CYP2C19: variants seen among roughly 807,000 people sequenced by gnomAD.
CYP2C19 encodes cytochrome P450 2C19.
CYP2C19 carries 59 observed loss-of-function variants against 40.9 expected under a neutral mutation model. The ratio of observed to expected loss-of-function variants is 1.44; its 90% CI spans 1.17 to 1.79. CYP2C19 has a LOEUF of 1.79. Ranked by LOEUF, CYP2C19 falls within the 40% of genes most tolerant of loss-of-function variation. The pLI is 0.00. For missense variants in CYP2C19, 754 were observed against 596.9 expected, an observed-to-expected ratio of 1.26 and a Z score of -2.74; for synonymous variants, 253 against 208.7, an observed-to-expected ratio of 1.21 and a Z score of -1.83.
intron 6 of CYP2C19, among the ~76,000 whole-genome samples, chr10:94,841,481 G>A (rs990769126): frequency 1.3e-5 from 2 of 152,154 alleles, no homozygotes; most frequent in African/African-American, 4.8e-5. Context: ...AGATTTAATA[G>A]AGTGAAAACA....
intron 5 of CYP2C19, among the ~76,000 whole-genome samples, chr10:94,796,730 C>T (rs1564667898): frequency 6.6e-6 from 1 of 152,108 alleles, no homozygotes; most frequent in Non-Finnish European, 1.5e-5. Flanking sequence ...AAGTTGGATT[C>T]TTAGGTATTT....
chr10:94,812,777 G>A (rs1013308826), intron 5 of CYP2C19, among the ~76,000 whole-genome samples: 2 of 151,418 alleles, frequency 1.3e-5, no homozygotes, highest in Admixed American at 1.3e-4. Context: ...TTTTTTCAAG[G>A]TTCTTAGCTT....
Position 94,775,372 on chromosome 10 carries a change from C to G in CYP2C19, c.332-18C>G. The G allele has an allele frequency of 6.2e-7, 1 of 1,613,474 alleles. No homozygotes were observed. The highest frequency in any genetic ancestry group is 8.5e-7 in the Non-Finnish European group (1 of 1,180,008). On this transcript the variant is annotated intron_variant, in intron 2 of 8. Transcript: ENST00000371321. Reference sequence around the variant, plus strand: ...TTGCCTGGGATCTCCCTCCTAGTTTCGTTTCTCTTCCTGTTAGGAATCGTT... The same window carrying G: ...TTGCCTGGGATCTCCCTCCTAGTTTGGTTTCTCTTCCTGTTAGGAATCGTT...
intron 5 of CYP2C19, among the ~76,000 whole-genome samples, chr10:94,816,085 C>A (rs1039328049): frequency 6.8e-6 from 1 of 146,274 alleles, no homozygotes; most frequent in Non-Finnish European, 1.5e-5. Context: ...AGATCTTCTG[C>A]TTATATATTT....
chr10:94,794,199 G>T (rs1188822437), intron 5 of CYP2C19, among the ~76,000 whole-genome samples: 1 of 152,142 alleles, frequency 6.6e-6, no homozygotes, highest in South Asian at 2.1e-4. Context: ...ATTTGCTAAG[G>T]CCATTGGAAA....
chr10:94,791,980 A>G (rs905219680), intron 5 of CYP2C19, among the ~76,000 whole-genome samples: 3 of 152,044 alleles, frequency 2.0e-5, no homozygotes, highest in African/African-American at 7.2e-5. Context: ...GCCTCCCATT[A>G]TTATTGTGTG....
At chr10:94,842,768 C>T in intron 6 of CYP2C19, 69 bp from the exon 7 acceptor site, 2 of 1,474,116 alleles carry the variant, frequency 1.4e-6, no homozygotes, top group Non-Finnish European at 1.9e-6. Context: ...GATTCATGTA[C>T]CCCTGAATTG....
At chr10:94,783,997 T>C (rs192325147) in intron 5 of CYP2C19, among the ~76,000 whole-genome samples, 11 of 152,264 alleles carry the variant, frequency 7.2e-5, no homozygotes, top group Admixed American at 3.3e-4. Flanking sequence ...AACCATCAGC[T>C]TTCTCTGGTT....
chr10:94,819,221 C>G (rs753727776), intron 5 of CYP2C19, among the ~76,000 whole-genome samples: 3,999 of 122,956 alleles, frequency 0.033, 76 homozygotes, highest in Non-Finnish European at 0.052. Flanking sequence ...ACCAGAATCT[C>G]TGGGACGCAT....
chr10:94,778,667 G>T (rs1247631629), intron 3 of CYP2C19, among the ~76,000 whole-genome samples: 1 of 152,174 alleles, frequency 6.6e-6, no homozygotes, highest in African/African-American at 2.4e-5. Context: ...ACTGTTGGTG[G>T]AAGTGTAAAT....
At chr10:94,830,781 A>G (rs574824585) in intron 6 of CYP2C19, among the ~76,000 whole-genome samples, 58 of 152,224 alleles carry the variant, frequency 3.8e-4, no homozygotes, top group African/African-American at 1.3e-3. Context: ...TTATGGGTAC[A>G]GAGTAGGTAT....
chr10:94,848,491 T>C (rs1158238205), intron 7 of CYP2C19, among the ~76,000 whole-genome samples: 3 of 152,192 alleles, frequency 2.0e-5, no homozygotes, highest in African/African-American at 7.2e-5. Context: ...CCTTGTAGTA[T>C]AGTTTGAAGT....
Position 94,786,059 on chromosome 10 carries a change from GTC to G in CYP2C19, c.819+4079_819+4080del, listed in dbSNP as rs148764138. ...TCCGCCTCCTTCCCCCTCTTTGGAT[GTC>G]TCTCTCTCTCTCTCTCACAAGAAGC... On this transcript the variant is annotated intron_variant, in intron 5 of 8. Transcript: ENST00000371321. Among the ~76,000 whole-genome samples the G allele has an allele frequency of 5.2e-3, 770 of 149,300 alleles. 6 individuals are homozygous for G. The highest frequency in any genetic ancestry group is 0.017 in the African/African-American group (713 of 40,976).
At chr10:94,833,243 C>A (rs945157111) in intron 6 of CYP2C19, among the ~76,000 whole-genome samples, 2 of 152,024 alleles carry the variant, frequency 1.3e-5, no homozygotes, top group Non-Finnish European at 2.9e-5. Context: ...ATGTGGATAG[C>A]CTTTATATCT....
At chr10:94,776,851 A>G (rs1228017547) in intron 3 of CYP2C19, among the ~76,000 whole-genome samples, 1 of 152,158 alleles carries the variant, frequency 6.6e-6, no homozygotes, top group African/African-American at 2.4e-5. Context: ...GGATGAGAGG[A>G]AGTCAAATTG....
At chr10:94,828,718 G>A (rs1849273535) in intron 6 of CYP2C19, among the ~76,000 whole-genome samples, 1 of 151,622 alleles carries the variant, frequency 6.6e-6, no homozygotes, top group Admixed American at 6.6e-5. Context: ...GATGTTAGCT[G>A]GTTATTTTGC....
chr10:94,772,469 G>A (rs764594965), intron 1 of CYP2C19, among the ~76,000 whole-genome samples: 4 of 152,150 alleles, frequency 2.6e-5, no homozygotes, highest in Non-Finnish European at 4.4e-5. Flanking sequence ...GCAAGAGGAA[G>A]TTTGTCTGGC....
intron 5 of CYP2C19, among the ~76,000 whole-genome samples, chr10:94,793,147 G>A (rs182261900): frequency 1.9e-4 from 29 of 151,848 alleles, no homozygotes; most frequent in African/African-American, 5.8e-4. Flanking sequence ...AGATTGAATC[G>A]GCTACTGAAG....
chr10:94,853,297 G>A lies in CYP2C19; in HGVS notation c.*383G>A, dbSNP rs1478663991. 5.2e-6 allele frequency: 2 copies of A among 382,794 alleles called. No individual in the cohort carries two copies. The highest frequency in any genetic ancestry group is 9.6e-6 in the Non-Finnish European group (2 of 207,414). 23.7% of individuals were successfully genotyped at this position (382,794 alleles called of 1,614,324 possible). A position where few individuals can be genotyped will look rare whatever the true frequency, so the allele number is the denominator to read the frequency against. ...AGACCTTCCTTCCTTTGTGCATAAT[G>A]CAGGTGACAAATTAAAGAAAATAGA... On this transcript the variant is annotated 3_prime_UTR_variant, in exon 9 of 9. Transcript: ENST00000371321.
Sources: gnomAD v4.1 joint callset for allele counts (sites outside exome capture counted in the v4.1 genomes callset) on GRCh38, gnomAD v4.1.1 for gene constraint, MANE v1.5 for transcripts, NCBI Gene and HGNC (gene_info 2026-07-23, HGNC 2026-07-21) for gene names.